MLIP: variants seen among roughly 807,000 people sequenced by gnomAD.
MLIP encodes muscular LMNA-interacting protein.
Under a neutral mutation model 84.8 loss-of-function variants are expected in MLIP, and 79 were observed. That is an observed-to-expected ratio of 0.93 (90% CI 0.78 to 1.12). MLIP has a LOEUF of 1.12. Ranked by LOEUF, MLIP falls within the 50% of genes most tolerant of loss-of-function variation. The pLI is 0.00. For missense variants in MLIP, 1,257 were observed against 1,160.6 expected, an observed-to-expected ratio of 1.08 and a Z score of -1.21; for synonymous variants, 504 against 463.0, an observed-to-expected ratio of 1.09 and a Z score of -1.14.
upstream of MLIP, among the ~76,000 whole-genome samples, chr6:54,108,477 A>G (rs1310985346): frequency 6.6e-6 from 1 of 152,234 alleles, no homozygotes; most frequent in African/African-American, 2.4e-5. Context: ...TATCCAAAAT[A>G]CATGTGCTCT....
chr6:54,235,935 A>T (rs1047651479), intron 12 of MLIP, among the ~76,000 whole-genome samples: 16 of 152,134 alleles, frequency 1.1e-4, no homozygotes, highest in Non-Finnish European at 1.3e-4. Context: ...CTAGCATGGC[A>T]TGTCCTTATC....
At chr6:54,181,625 G>A (rs982697404) in intron 9 of MLIP, among the ~76,000 whole-genome samples, 1 of 152,140 alleles carries the variant, frequency 6.6e-6, no homozygotes, top group African/African-American at 2.4e-5. Flanking sequence ...AACGTGATGG[G>A]TCATACCTGA....
intron 4 of MLIP, among the ~76,000 whole-genome samples, chr6:54,147,356 T>C (rs952004586): frequency 6.6e-6 from 1 of 152,184 alleles, no homozygotes; most frequent in African/African-American, 2.4e-5. Flanking sequence ...AACGTAGTAA[T>C]AAATGTCAGC....
At chr6:54,151,375 G>A (rs1773429041) in intron 5 of MLIP, among the ~76,000 whole-genome samples, 1 of 152,022 alleles carries the variant, frequency 6.6e-6, no homozygotes, top group African/African-American at 2.4e-5. Flanking sequence ...AAATAAATCT[G>A]ACAATTTAAT....
At chr6:54,155,378 TAAC>T (rs1323343196) in intron 5 of MLIP, among the ~76,000 whole-genome samples, 1 of 152,150 alleles carries the variant, frequency 6.6e-6, no homozygotes, top group African/African-American at 2.4e-5. Flanking sequence ...CAGGTCATAT[TAAC>T]AAAGTATAGG....
intron 11 of MLIP, among the ~76,000 whole-genome samples, chr6:54,208,491 C>T (rs62397393): frequency 8.6e-5 from 13 of 152,040 alleles, no homozygotes; most frequent in South Asian, 2.1e-4. Flanking sequence ...GAGGCTGAGG[C>T]GGGAGGATAG....
intron 1 of MLIP, among the ~76,000 whole-genome samples, chr6:54,074,500 A>G (rs1476500803): frequency 6.6e-6 from 1 of 152,208 alleles, no homozygotes; most frequent in Non-Finnish European, 1.5e-5. Flanking sequence ...CCTTCCTGAA[A>G]GATCAATAAC....
chr6:54,112,617 C>T (rs1156931811), intron 1 of MLIP, among the ~76,000 whole-genome samples: 1 of 151,984 alleles, frequency 6.6e-6, no homozygotes, highest in East Asian at 1.9e-4. Flanking sequence ...TATTAGATTT[C>T]CTGTTTCTGT....
rs760341112 is a variant in MLIP at position 54,230,870 on chromosome 6, G to A, written c.2875G>A (p.Glu959Lys). The A allele has an allele frequency of 1.9e-6, 3 of 1,613,844 alleles. No individual in the cohort carries two copies. The East Asian group carries it at 6.7e-5, about 36-fold the overall frequency. Residue 959 changes from glutamate (E) to lysine (K), a missense_variant, in exon 12 of 14, where the codon GAA (glutamate) becomes AAA (lysine). Glu to Lys is a moderately conservative substitution (Grantham distance 56). Coordinates refer to ENST00000502396, the MANE Select transcript of MLIP (RefSeq NM_001281747.2). Reference protein sequence around the residue: ...FSHLSFSLSDEQENSHTLLSH... With the variant: ...FSHLSFSLSDKQENSHTLLSH... ...TCATCTGTCCTTCTCCTTGAGTGAT[G>A]AACAGGAGAATTCTCACACCCTCCT...
chr6:54,250,406 A>G lies in MLIP; in HGVS notation c.2923-6902A>G, dbSNP rs147341873. On this transcript the variant is annotated intron_variant, in intron 12 of 13. Coordinates refer to ENST00000502396, the MANE Select transcript of MLIP (RefSeq NM_001281747.2). Reference sequence around the variant, plus strand: ...ATCATTCTATTATAAAGACACATGCATGTGTATGATCACTGCAGCACTATT... The same window carrying G: ...ATCATTCTATTATAAAGACACATGCGTGTGTATGATCACTGCAGCACTATT... Among the ~76,000 whole-genome samples, 56 of 152,196 alleles carry G rather than the reference A, an allele frequency of 3.7e-4. No individual in the cohort carries two copies. The East Asian group carries it at 0.011, about 29-fold the overall frequency.
chr6:54,252,983 C>T (rs1207831099), intron 12 of MLIP, among the ~76,000 whole-genome samples: 1 of 152,084 alleles, frequency 6.6e-6, no homozygotes, highest in Admixed American at 6.6e-5. Context: ...TTTAATTTTA[C>T]AAGTCGGAAA....
chr6:54,070,896 T>C (rs1404269503), intron 1 of MLIP, among the ~76,000 whole-genome samples: 2 of 152,162 alleles, frequency 1.3e-5, no homozygotes, highest in African/African-American at 2.4e-5. Flanking sequence ...TAGTGCCTAA[T>C]TCTACACTGG....
chr6:54,201,862 T>C (rs1778704086), intron 10 of MLIP, among the ~76,000 whole-genome samples: 1 of 152,232 alleles, frequency 6.6e-6, no homozygotes, highest in Non-Finnish European at 1.5e-5. Context: ...TGTTTGCATT[T>C]TGAATGTTAC....
Position 54,111,497 on chromosome 6 carries a change from G to T in MLIP, c.18G>T (p.Gly6=). 6.5e-7 allele frequency: 1 copy of T among 1,535,996 alleles called. No homozygotes were observed. Among genetic ancestry groups the T allele is most frequent in the Non-Finnish European group, 8.7e-7 (1 of 1,146,832 alleles). Residue 6 remains glycine, a synonymous_variant, in exon 1 of 14, where the codon GGG becomes GGT. Transcript: ENST00000502396. MLSEQ[G]LLSDCGNNYF... ...ATGAATCAATGCTTTCAGAACAGGG[G>T]CTTCTGAGTGACTGCGGGAACAATT...
chr6:54,238,996 A>G (rs9395916), intron 12 of MLIP, among the ~76,000 whole-genome samples: 48,000 of 152,032 alleles, frequency 0.32, 10,423 homozygotes, highest in African/African-American at 0.62. Context: ...CACATGTACT[A>G]TGGATTCTCC....
Position 54,066,339 on chromosome 6 carries a change from T to G in MLIP, c.63+47248T>G, listed in dbSNP as rs1357993237. Among the ~76,000 whole-genome samples the G allele has an allele frequency of 2.0e-5, 2 of 100,882 alleles. 1 individual carries two copies. Among genetic ancestry groups the G allele is most frequent in the African/African-American group, 5.1e-5 (2 of 39,312 alleles). 66.2% of individuals were successfully genotyped at this position (100,882 alleles called of 152,430 possible). On this transcript the variant is annotated intron_variant, in intron 1 of 12. Coordinates refer to the MLIP transcript ENST00000274897. ...CTATGAGCATTAAATATGTATTATA[T>G]ATTTGGCTCATAAAACCCTCATTAT...
chr6:54,125,840 A>T (rs551167000), intron 3 of MLIP, among the ~76,000 whole-genome samples: 1 of 152,176 alleles, frequency 6.6e-6, no homozygotes, highest in East Asian at 1.9e-4. Flanking sequence ...CATTACTAGG[A>T]CAGGACCAAT....
In MLIP at chr6:54,185,678, CT is replaced by C. The variant is rs76753826; in HGVS notation, c.2545-4184del. ...ATAATTATTGAGGTAGAAATTTAGCCTTTTTTTTCAGTTATGATGCATTTAA... is the reference window on the plus strand; with the variant it reads ...ATAATTATTGAGGTAGAAATTTAGCCTTTTTTTCAGTTATGATGCATTTAA... On this transcript the variant is annotated intron_variant, in intron 9 of 13. Transcript: ENST00000502396. Among the ~76,000 whole-genome samples the C allele has an allele frequency of 1.3e-3, 203 of 151,344 alleles. 4 individuals are homozygous for C. The South Asian group carries it at 0.024, about 18-fold the overall frequency.
At chr6:54,110,398 T>C (rs1042860033), upstream of MLIP, among the ~76,000 whole-genome samples, 7 of 152,308 alleles carry the variant, frequency 4.6e-5, no homozygotes, top group African/African-American at 1.7e-4. Context: ...ATATTCTCTT[T>C]TGAGTATCCA....
Sources: gnomAD v4.1 joint callset for allele counts (sites outside exome capture counted in the v4.1 genomes callset) on GRCh38, gnomAD v4.1.1 for gene constraint, MANE v1.5 for transcripts, NCBI Gene and HGNC (gene_info 2026-07-23, HGNC 2026-07-21) for gene names.